Variants in BANP observed in about 807,000 individuals in gnomAD.
The protein encoded by BANP is protein BANP.
BANP carries 11 observed loss-of-function variants against 68.1 expected under a neutral mutation model. The observed-to-expected ratio is 0.16, with a 90% CI of 0.10 to 0.27. BANP has a LOEUF of 0.27. BANP is among the 10% of genes least tolerant of loss of function. The probability of loss-of-function intolerance (pLI) is 1.00; values close to 1 mark genes in which losing one functional copy is unlikely to be tolerated. For missense variants in BANP, 504 were observed against 722.7 expected, an observed-to-expected ratio of 0.70 and a Z score of 3.47; for synonymous variants, 329 against 303.2, an observed-to-expected ratio of 1.09 and a Z score of -0.88.
At chr16:88,025,782 A>T (rs1413754887) in intron 7 of BANP, among the ~76,000 whole-genome samples, 2 of 152,178 alleles carry the variant, frequency 1.3e-5, no homozygotes, top group Non-Finnish European at 2.9e-5. Context: ...ACAGATTTTT[A>T]GGGTTTGGGC....
At chr16:88,065,017 C>T (rs181962193) in intron 11 of BANP, among the ~76,000 whole-genome samples, 5 of 152,388 alleles carry the variant, frequency 3.3e-5, no homozygotes, top group Admixed American at 1.3e-4. Context: ...AGCTGCCAGC[C>T]CGCCCTGAAG....
chr16:88,035,034 G>T, intron 9 of BANP: 2 of 363,106 alleles, frequency 5.5e-6, no homozygotes, highest in Non-Finnish European at 5.1e-6. Flanking sequence ...TGGCACATAT[G>T]GGCGGGAAAA....
rs1373789795 is a variant in BANP, at chr16:88,003,601, C to G, written c.363-694C>G. ...TTTGAGATGAAGCTGTGTTAGCTGC[C>G]GCCTGTCTGAACACACTCGTGCTTC... On this transcript the variant is annotated intron_variant, in intron 4 of 13. Coordinates refer to ENST00000682872, the MANE Select transcript of BANP (RefSeq NM_001386991.1). This position sits in a 1 kb window ranked among gnomAD's most constrained non-coding sequence, Gnocchi z 6.1. 2 of 453,138 alleles carry G rather than the reference C, an allele frequency of 4.4e-6. No homozygotes were observed. The highest frequency in any genetic ancestry group is 8.9e-6 in the Non-Finnish European group (2 of 225,090). 28.1% of individuals were successfully genotyped at this position (453,138 alleles called of 1,614,324 possible).
At chr16:87,996,495 G>A (rs1349852198) in intron 4 of BANP, among the ~76,000 whole-genome samples, 1 of 69,844 alleles carries the variant, frequency 1.4e-5, no homozygotes. Flanking sequence ...CTGGGCCCTC[G>A]TCCTGGGCGC....
intron 1 of BANP, among the ~76,000 whole-genome samples, chr16:87,960,148 C>T (rs1050350528): frequency 1.3e-5 from 2 of 152,136 alleles, no homozygotes; most frequent in Non-Finnish European, 2.9e-5. Flanking sequence ...CTGGGGGCTT[C>T]TGGAGCAGAG....
chr16:87,984,828 G>C (rs1598104967), intron 4 of BANP, among the ~76,000 whole-genome samples: 1 of 152,238 alleles, frequency 6.6e-6, no homozygotes, highest in African/African-American at 2.4e-5. Flanking sequence ...CCAGCCGACA[G>C]CTCGTGCTGA....
chr16:88,012,006 TA>T (rs2073273728), intron 6 of BANP, among the ~76,000 whole-genome samples: 1 of 152,252 alleles, frequency 6.6e-6, no homozygotes, highest in African/African-American at 2.4e-5. Context: ...GGGGTGTCCC[TA>T]GTCCCCAGGA....
intron 1 of BANP, among the ~76,000 whole-genome samples, chr16:87,966,097 C>G (rs1339077275): frequency 1.3e-5 from 2 of 152,252 alleles, no homozygotes; most frequent in East Asian, 3.8e-4. Context: ...TGTATGCCTT[C>G]CTTTTGCTAT....
At chr16:87,952,960 G>C (rs997155958) in intron 1 of BANP, among the ~76,000 whole-genome samples, 13 of 152,078 alleles carry the variant, frequency 8.5e-5, no homozygotes, top group African/African-American at 2.9e-4. Flanking sequence ...CGTAGAGAGG[G>C]GGTTTCGCCT....
intron 7 of BANP, among the ~76,000 whole-genome samples, chr16:88,025,937 T>C (rs1004633841): frequency 2.9e-4 from 44 of 152,216 alleles, no homozygotes; most frequent in African/African-American, 8.9e-4. Context: ...GGCCACTGCA[T>C]TGAAGAGCCC....
At chr16:87,976,229 G>C (rs1445142273) in intron 2 of BANP, among the ~76,000 whole-genome samples, 2 of 152,162 alleles carry the variant, frequency 1.3e-5, no homozygotes, top group African/African-American at 4.8e-5. Flanking sequence ...ATTTTTTTAA[G>C]ACGGTGACAG....
intron 12 of BANP, among the ~76,000 whole-genome samples, chr16:88,066,822 T>C (rs2088768904): frequency 6.6e-6 from 1 of 152,098 alleles, no homozygotes; most frequent in African/African-American, 2.4e-5. Context: ...CTCCCAGCGG[T>C]GCGGGCGCTC....
At chr16:87,990,980 T>A (rs1210674366) in intron 4 of BANP, among the ~76,000 whole-genome samples, 1 of 152,200 alleles carries the variant, frequency 6.6e-6, no homozygotes, top group Non-Finnish European at 1.5e-5. Flanking sequence ...GCCAGGATGG[T>A]CTCGATCTCC....
chr16:88,035,078 A>G (rs1052661413), intron 9 of BANP: 5 of 512,424 alleles, frequency 9.8e-6, no homozygotes, highest in East Asian at 7.0e-5. Flanking sequence ...CACCATCCAC[A>G]GTTTCTGGCG....
At chr16:87,985,471 G>A (rs1024014301) in intron 4 of BANP, among the ~76,000 whole-genome samples, 1 of 152,134 alleles carries the variant, frequency 6.6e-6, no homozygotes. Context: ...GGTCAGGTGT[G>A]CAAAGCTGTT....
At chr16:88,074,710 A>T (rs2091220261) in intron 13 of BANP, among the ~76,000 whole-genome samples, 1 of 147,464 alleles carries the variant, frequency 6.8e-6, no homozygotes, top group Non-Finnish European at 1.5e-5. Flanking sequence ...CCAACCTCCC[A>T]TGGCCTTCAG....
At chr16:88,051,118 C>G (rs1342054764) in intron 11 of BANP, among the ~76,000 whole-genome samples, 3 of 152,264 alleles carry the variant, frequency 2.0e-5, no homozygotes, top group Non-Finnish European at 4.4e-5. Flanking sequence ...CTGTTGACCG[C>G]AGCACCCGGG....
At chr16:88,044,895 T>C (rs2081616001) in intron 11 of BANP, among the ~76,000 whole-genome samples, 1 of 151,920 alleles carries the variant, frequency 6.6e-6, no homozygotes, top group Non-Finnish European at 1.5e-5. Context: ...GGCAGGAGAA[T>C]GGCTTGAACC....
chr16:88,049,291 C>T (rs1157953256), intron 11 of BANP, among the ~76,000 whole-genome samples: 4 of 152,112 alleles, frequency 2.6e-5, no homozygotes, highest in Admixed American at 2.6e-4. Context: ...CAGGGAAGTA[C>T]TTTTGTTTAC....
Sources: allele counts gnomAD v4.1 joint callset (sites outside exome capture counted in the v4.1 genomes callset), GRCh38; gene constraint gnomAD v4.1.1; non-coding constraint Gnocchi (gnomAD v3.1); transcripts MANE v1.5; gene names NCBI Gene and HGNC (gene_info 2026-07-23, HGNC 2026-07-21).